ADGRD1: variants seen among roughly 807,000 people sequenced by gnomAD.
The protein encoded by ADGRD1 is adhesion G protein-coupled receptor D1.
In ADGRD1, 77 loss-of-function variants were observed where a neutral mutation model predicts 113.4. The observed-to-expected ratio is 0.68, with a 90% confidence interval of 0.57 to 0.82. The LOEUF (loss-of-function observed/expected upper bound fraction) is 0.82, where lower values mean the gene tolerates loss of function less well. Among genes scored for constraint, ADGRD1 ranks in the 40% least tolerant of loss-of-function variants. The pLI is 0.00. For synonymous variants in ADGRD1, 474 were observed against 475.0 expected (o/e 1.00, Z 0.03); for missense variants, 1,036 against 1,139.1 (o/e 0.91, Z 1.30).
intron 20 of ADGRD1, among the ~76,000 whole-genome samples, chr12:131,126,212 C>A (rs1419609926): frequency 6.6e-6 from 1 of 152,154 alleles, no homozygotes; most frequent in East Asian, 1.9e-4. Flanking sequence ...TAAGTTAATG[C>A]TGCTGTTGTG....
intron 13 of ADGRD1, among the ~76,000 whole-genome samples, chr12:131,046,812 A>G (rs1175867876): frequency 8.3e-6 from 1 of 120,730 alleles, no homozygotes. Context: ...CTCCCTGGGC[A>G]GTGTCCTCCC....
chr12:131,112,169 C>G (rs778692286), intron 18 of ADGRD1, among the ~76,000 whole-genome samples: 4 of 152,104 alleles, frequency 2.6e-5, no homozygotes, highest in Non-Finnish European at 2.9e-5. Flanking sequence ...TGGTGTGATT[C>G]CTCTGACATC....
At chr12:130,989,144 C>T (rs1874060439) in intron 6 of ADGRD1, 1 of 152,172 alleles carries the variant, frequency 6.6e-6, no homozygotes, top group Admixed American at 6.5e-5. Flanking sequence ...ATGATAGCAT[C>T]CTTCAGAAGA....
chr12:131,117,889 G>T (rs1336806318), intron 18 of ADGRD1, among the ~76,000 whole-genome samples: 2 of 152,210 alleles, frequency 1.3e-5, no homozygotes, highest in African/African-American at 2.4e-5. Flanking sequence ...GGATACTTGG[G>T]CTGGGTGACT....
intron 18 of ADGRD1, among the ~76,000 whole-genome samples, chr12:131,115,255 G>T (rs534027023): frequency 4.6e-5 from 7 of 152,298 alleles, no homozygotes; most frequent in African/African-American, 1.4e-4. Flanking sequence ...GCACCGCCTC[G>T]AGCTATGTGA....
chr12:131,018,013 C>T (rs1878838836), intron 13 of ADGRD1, among the ~76,000 whole-genome samples: 1 of 152,214 alleles, frequency 6.6e-6, no homozygotes, highest in African/African-American at 2.4e-5. Flanking sequence ...CCTCAGTACA[C>T]CACACACACC....
rs148293565 is a variant in ADGRD1, at chr12:131,024,238, G to T, written c.1473+9898G>T. On this transcript the variant is annotated intron_variant, in intron 13 of 24. Coordinates refer to ENST00000261654, the MANE Select transcript of ADGRD1 (RefSeq NM_198827.5). ...GCAGCCCCGCTGGCCGGGTCACTGG[G>T]GTTCTCTGTGACGTCAGGGTCAGAG... 1,292 of 152,462 alleles carry T rather than the reference G, an allele frequency of 8.5e-3. 17 individuals carry two copies. Among genetic ancestry groups the T allele is most frequent in the Middle Eastern group, 0.033 (10 of 300 alleles). 9.4% of individuals were successfully genotyped at this position (152,462 alleles called of 1,614,324 possible). A position where few individuals can be genotyped will look rare whatever the true frequency, so the allele number is the denominator to read the frequency against.
chr12:131,032,475 T>C (rs114068046), intron 13 of ADGRD1, among the ~76,000 whole-genome samples: 1,895 of 152,202 alleles, frequency 0.012, 37 homozygotes, highest in African/African-American at 0.043. Context: ...TGTGGCCTTT[T>C]CCCCGAGTGT....
chr12:131,093,549 G>A (rs77197705), intron 15 of ADGRD1, among the ~76,000 whole-genome samples: 6 of 152,296 alleles, frequency 3.9e-5, no homozygotes, highest in Admixed American at 1.3e-4. Flanking sequence ...TGAATTACAC[G>A]GTGTTGCTGG....
chr12:130,992,264 A>G lies in ADGRD1; in HGVS notation c.838A>G (p.Ile280Val), dbSNP rs949956077. The G allele has an allele frequency of 1.9e-6, 3 of 1,613,406 alleles. No individual in the cohort carries two copies. The African/African-American group carries it at 4.0e-5, about 22-fold the overall frequency. The change falls in exon 8 of 25, where the codon ATA becomes GTA. Residue 280 changes from isoleucine (I) to valine (V), a missense_variant. Transcript: ENST00000261654. ...GCCCACAGATGCCTACCATCCCATC[A>G]TAACCAACCTGACAGAAGAGAGAAA... Reference protein sequence around the residue: ...VMPTDAYHPIITNLTEERKTF... With the variant: ...VMPTDAYHPIVTNLTEERKTF...
chr12:131,108,685 C>A, intron 17 of ADGRD1, 39 bp from the exon 18 acceptor site: 1 of 1,613,952 alleles, frequency 6.2e-7, no homozygotes, highest in Non-Finnish European at 8.5e-7. Flanking sequence ...AGGGCCCACC[C>A]CAGAGCTGTC....
rs568661098 is a variant in ADGRD1 at position 131,006,523 on chromosome 12, C to T, written c.1331+476C>T. Among the ~76,000 whole-genome samples, 75 of 152,318 alleles carry T rather than the reference C, an allele frequency of 4.9e-4. No individual in the cohort carries two copies. The East Asian group carries it at 8.9e-3, about 18-fold the overall frequency. ...TGGCTGGACCCGGGGACCCCGAGGA[C>T]GCCGTCTAGACCTGCTCTGTCTGCC... is the stretch of plus-strand genomic sequence containing the variant. On this transcript the variant is annotated intron_variant, in intron 12 of 24. Coordinates refer to ENST00000261654, the MANE Select transcript of ADGRD1 (RefSeq NM_198827.5).
chr12:130,972,954 G>A (rs1453364814), intron 4 of ADGRD1: 3 of 152,184 alleles, frequency 2.0e-5, no homozygotes, highest in African/African-American at 2.4e-5. Flanking sequence ...TTATCTGCAC[G>A]CCGAGGTCAC....
At chr12:131,054,503 C>A (rs751953341) in intron 13 of ADGRD1, among the ~76,000 whole-genome samples, 1 of 152,166 alleles carries the variant, frequency 6.6e-6, no homozygotes, top group African/African-American at 2.4e-5. Flanking sequence ...CCCTTCTGTG[C>A]GCTCCACCCA....
chr12:130,996,973 C>A (rs577123743), intron 8 of ADGRD1, among the ~76,000 whole-genome samples: 1 of 138,706 alleles, frequency 7.2e-6, no homozygotes, highest in Non-Finnish European at 1.6e-5. Flanking sequence ...GACCCCCCAA[C>A]CTCCCTCCCG....
chr12:130,958,213 T>TG (rs1176738531), intron 2 of ADGRD1, among the ~76,000 whole-genome samples: 3 of 136,548 alleles, frequency 2.2e-5, no homozygotes, highest in Non-Finnish European at 4.7e-5. Flanking sequence ...CTTTCTTTTT[T>TG]TTTTGAGACA....
At chr12:130,958,639 C>T (rs1400438394) in intron 2 of ADGRD1, among the ~76,000 whole-genome samples, 1 of 152,216 alleles carries the variant, frequency 6.6e-6, no homozygotes, top group Non-Finnish European at 1.5e-5. Flanking sequence ...ATCCTTGAGG[C>T]TCGCCTGCCC....
At chr12:131,114,691 T>C (rs887854068) in intron 18 of ADGRD1, among the ~76,000 whole-genome samples, 1 of 151,778 alleles carries the variant, frequency 6.6e-6, no homozygotes, top group Non-Finnish European at 1.5e-5. Context: ...CTGGCCTTAC[T>C]CTAGTTTTTG....
At chr12:131,139,071 C>G (rs1397617208) in intron 24 of ADGRD1, 97 bp from the exon 25 acceptor site, 1 of 859,938 alleles carries the variant, frequency 1.2e-6, no homozygotes, top group Non-Finnish European at 1.9e-6. Context: ...GGAGAATCCT[C>G]GGGCAGCTAT....
Sources: gnomAD v4.1 joint callset for allele counts (sites outside exome capture counted in the v4.1 genomes callset) on GRCh38, gnomAD v4.1.1 for gene constraint, MANE v1.5 for transcripts, NCBI Gene and HGNC (gene_info 2026-07-23, HGNC 2026-07-21) for gene names.